The following CFAP299 variants were observed in gnomAD, a reference collection of about 807,000 sequenced individuals.
CFAP299 encodes cilia and flagella associated protein 299, also known as cilia- and flagella-associated protein 299.
CFAP299 carries 21 observed loss-of-function variants against 27.0 expected under a neutral mutation model. The observed-to-expected ratio is 0.78, with a 90% CI of 0.55 to 1.12. The LOEUF (loss-of-function observed/expected upper bound fraction) is 1.12, where lower values mean the gene tolerates loss of function less well. Among genes scored for constraint, CFAP299 ranks in the 50% most tolerant of loss-of-function variants. The pLI is 0.00. For missense variants in CFAP299, 310 were observed against 276.6 expected (o/e 1.12, Z -0.86); for synonymous variants, 104 against 98.1 (o/e 1.06, Z -0.36).
At chr4:80,584,166 A>G (rs1736315741) in intron 3 of CFAP299, among the ~76,000 whole-genome samples, 1 of 152,076 alleles carries the variant, frequency 6.6e-6, no homozygotes, top group African/African-American at 2.4e-5. Flanking sequence ...GGCAGAGACT[A>G]GACTTTGGAC....
In CFAP299 at chr4:80,799,895, T is replaced by G. The variant is rs1432610347; in HGVS notation, c.334-70098T>G. ...ATATTATATTATATAATATATAAAT[T>G]ATATATTATAATATAATATATAATA... On this transcript the variant is annotated intron_variant, in intron 3 of 5. Transcript: ENST00000358105. Among the ~76,000 whole-genome samples, 12 of 39,498 alleles carry G rather than the reference T, an allele frequency of 3.0e-4. No individual in the cohort carries two copies. The East Asian group carries it at 7.7e-3, about 25-fold the overall frequency. 25.9% of individuals were successfully genotyped at this position (39,498 alleles called of 152,430 possible). A position where few individuals can be genotyped will look rare whatever the true frequency, so the allele number is the denominator to read the frequency against.
At chr4:80,528,245 C>T (rs560321294) in intron 2 of CFAP299, among the ~76,000 whole-genome samples, 3 of 151,106 alleles carry the variant, frequency 2.0e-5, no homozygotes, top group East Asian at 3.9e-4. Context: ...CCCATGAGAC[C>T]CTCCTTCCTA....
At chr4:80,948,162 G>A (rs1737570602) in intron 5 of CFAP299, among the ~76,000 whole-genome samples, 1 of 152,144 alleles carries the variant, frequency 6.6e-6, no homozygotes. Context: ...TAAACAGGAT[G>A]TGTTTACTTT....
chr4:80,470,968 A>T (rs895990382), intron 2 of CFAP299, among the ~76,000 whole-genome samples: 7 of 152,236 alleles, frequency 4.6e-5, no homozygotes, highest in Non-Finnish European at 1.0e-4. Context: ...TAAGGACAGT[A>T]ATACTTATTT....
chr4:80,938,130 G>A (rs139889771), intron 4 of CFAP299, among the ~76,000 whole-genome samples: 46 of 151,956 alleles, frequency 3.0e-4, no homozygotes, highest in African/African-American at 1.0e-3. Flanking sequence ...TTTTTCTTTA[G>A]ATTATACATT....
intron 2 of CFAP299, among the ~76,000 whole-genome samples, chr4:80,471,573 G>T (rs1193354988): frequency 2.4e-5 from 3 of 125,124 alleles, no homozygotes; most frequent in Non-Finnish European, 5.1e-5. Context: ...CAGCAGGGCG[G>T]GGGTGGGGGT....
intron 2 of CFAP299, among the ~76,000 whole-genome samples, chr4:80,559,125 G>A (rs532742311): frequency 6.6e-6 from 1 of 152,236 alleles, no homozygotes; most frequent in Non-Finnish European, 1.5e-5. Flanking sequence ...GGCTTCTTTA[G>A]TTATATATCT....
intron 3 of CFAP299, among the ~76,000 whole-genome samples, chr4:80,616,864 T>A (rs1250890676): frequency 6.6e-6 from 1 of 152,126 alleles, no homozygotes; most frequent in African/African-American, 2.4e-5. Context: ...ATACATAATA[T>A]ATTTATTTTA....
chr4:80,371,297 T>C (rs1724138714), intron 2 of CFAP299, among the ~76,000 whole-genome samples: 1 of 152,166 alleles, frequency 6.6e-6, no homozygotes, highest in African/African-American at 2.4e-5. Flanking sequence ...TCCAGGCCTG[T>C]GATGGGAGGG....
At chr4:80,631,107 C>T (rs1199531338) in intron 3 of CFAP299, among the ~76,000 whole-genome samples, 1 of 151,974 alleles carries the variant, frequency 6.6e-6, no homozygotes, top group East Asian at 1.9e-4. Context: ...CATCAATTGG[C>T]CCAGCCTTTA....
intron 3 of CFAP299, among the ~76,000 whole-genome samples, chr4:80,755,787 T>C (rs369922023): frequency 3.9e-5 from 6 of 152,136 alleles, no homozygotes; most frequent in East Asian, 3.8e-4. Flanking sequence ...TTCTCATGAA[T>C]AAATAAAAGT....
chr4:80,713,835 C>T (rs1334529693), intron 3 of CFAP299, among the ~76,000 whole-genome samples: 1 of 152,068 alleles, frequency 6.6e-6, no homozygotes, highest in African/African-American at 2.4e-5. Context: ...GAAAAAAGTC[C>T]CTTCTAAAAG....
intron 3 of CFAP299, among the ~76,000 whole-genome samples, chr4:80,827,223 A>T (rs1434992621): frequency 6.6e-6 from 1 of 151,824 alleles, no homozygotes; most frequent in African/African-American, 2.4e-5. Flanking sequence ...TTAGGAGTCT[A>T]TTATTAATCA....
intron 3 of CFAP299, among the ~76,000 whole-genome samples, chr4:80,785,693 G>A (rs959717388): frequency 9.9e-5 from 15 of 152,094 alleles, no homozygotes; most frequent in African/African-American, 3.6e-4. Flanking sequence ...TAGGCTACAT[G>A]GAGAGCAAGA....
At chr4:80,673,863 T>C (rs1050567267) in intron 3 of CFAP299, among the ~76,000 whole-genome samples, 5 of 151,248 alleles carry the variant, frequency 3.3e-5, no homozygotes, top group Admixed American at 3.3e-4. Context: ...TTTTTTGCCT[T>C]TCATTTCCTT....
chr4:80,828,271 G>A (rs1388993661), intron 3 of CFAP299, among the ~76,000 whole-genome samples: 1 of 151,862 alleles, frequency 6.6e-6, no homozygotes, highest in East Asian at 1.9e-4. Flanking sequence ...CAAATTTGGA[G>A]GACTTTGTGA....
chr4:80,335,615 A>G (rs1478940348), upstream of CFAP299: 3 of 656,444 alleles, frequency 4.6e-6, no homozygotes, highest in South Asian at 1.6e-5. Flanking sequence ...GGAGTGAGGC[A>G]GAAGACAGAA....
intron 2 of CFAP299, among the ~76,000 whole-genome samples, chr4:80,390,326 A>G (rs1459846011): frequency 2.0e-5 from 3 of 151,470 alleles, no homozygotes; most frequent in South Asian, 4.2e-4. Flanking sequence ...TGCTTTTATG[A>G]GTTTTACTTT....
chr4:80,718,658 C>T (rs1722629590), intron 3 of CFAP299, among the ~76,000 whole-genome samples: 1 of 152,000 alleles, frequency 6.6e-6, no homozygotes, highest in African/African-American at 2.4e-5. Context: ...AGTATTACGA[C>T]AACTCTCCAA....
Sources: gnomAD v4.1 joint callset for allele counts (sites outside exome capture counted in the v4.1 genomes callset) on GRCh38, gnomAD v4.1.1 for gene constraint, MANE v1.5 for transcripts, NCBI Gene and HGNC (gene_info 2026-07-23, HGNC 2026-07-21) for gene names.